EFCAB5: variants seen among roughly 807,000 people sequenced by gnomAD.
EFCAB5 encodes the protein EF-hand calcium binding domain 5.
A neutral mutation model predicts 167.9 loss-of-function variants in EFCAB5; 131 were observed. The observed-to-expected ratio is 0.78, with a 90% CI of 0.68 to 0.90. EFCAB5 has a LOEUF of 0.90. Ranked by LOEUF, EFCAB5 falls within the 40% of genes least tolerant of loss-of-function variation. The pLI, the probability that EFCAB5 is intolerant of heterozygous loss-of-function variation, is 0.00. For missense variants in EFCAB5, 1,663 were observed against 1,745.2 expected, an observed-to-expected ratio of 0.95 and a Z score of 0.84; for synonymous variants, 574 against 602.8, an observed-to-expected ratio of 0.95 and a Z score of 0.70.
intron 8 of EFCAB5, among the ~76,000 whole-genome samples, chr17:30,035,136 G>A (rs2069583026): frequency 6.6e-6 from 1 of 152,134 alleles, no homozygotes; most frequent in Admixed American, 6.5e-5. Flanking sequence ...ATGAAGTCAG[G>A]AATATATTTT....
chr17:30,056,106 T>C lies in EFCAB5; in HGVS notation c.2315T>C (p.Phe772Ser). The C allele has an allele frequency of 6.2e-7, 1 of 1,612,464 alleles. No homozygotes were observed. The highest frequency in any genetic ancestry group is 1.7e-5 in the Admixed American group (1 of 59,806). ...TCNWKMKYVT[F>S]EDEEQANLIY... Reference sequence around the variant, plus strand: ...AACTGGAAAATGAAGTATGTCACATTTGAAGATGAGGAACAGGCAAACTTA... The same window carrying C: ...AACTGGAAAATGAAGTATGTCACATCTGAAGATGAGGAACAGGCAAACTTA... Residue 772 changes from phenylalanine (F) to serine (S), a missense_variant, in exon 12 of 23, where the codon TTT becomes TCT. Physicochemically the swap from Phe to Ser is radical, Grantham distance 155 (BLOSUM62 -2). Transcript: ENST00000394835.
intron 1 of EFCAB5, among the ~76,000 whole-genome samples, chr17:29,934,414 G>A (rs1011880942): frequency 6.6e-6 from 1 of 152,084 alleles, no homozygotes; most frequent in African/African-American, 2.4e-5. Context: ...TATTGATAAA[G>A]GTCTAATTTG....
chr17:29,977,021 A>G (rs2068075789), intron 4 of EFCAB5, among the ~76,000 whole-genome samples: 1 of 152,160 alleles, frequency 6.6e-6, no homozygotes, highest in Non-Finnish European at 1.5e-5. Context: ...ATTAAAGTGG[A>G]CTTTAATTCT....
chr17:29,971,368 T>G (rs1463601560), intron 4 of EFCAB5, among the ~76,000 whole-genome samples: 1 of 152,188 alleles, frequency 6.6e-6, no homozygotes, highest in African/African-American at 2.4e-5. Flanking sequence ...ATTTTTATAC[T>G]AATATCCTAC....
chr17:30,048,985 G>C (rs574335008), intron 8 of EFCAB5, among the ~76,000 whole-genome samples: 1 of 152,072 alleles, frequency 6.6e-6, no homozygotes, highest in Non-Finnish European at 1.5e-5. Flanking sequence ...ACTTTTCACT[G>C]CATTCTCTTA....
intron 22 of EFCAB5, among the ~76,000 whole-genome samples, chr17:30,096,104 A>C (rs1001844952): frequency 2.6e-5 from 4 of 152,192 alleles, no homozygotes; most frequent in African/African-American, 7.2e-5. Flanking sequence ...CATACAATGC[A>C]CAAGAGAAGG....
chr17:29,943,892 G>A (rs1477182931), intron 3 of EFCAB5, among the ~76,000 whole-genome samples: 3 of 151,904 alleles, frequency 2.0e-5, no homozygotes, highest in South Asian at 2.1e-4. Flanking sequence ...GGAGAATTGC[G>A]TGAACAGGGA....
At chr17:29,988,075 T>C (rs977869396) in intron 4 of EFCAB5, among the ~76,000 whole-genome samples, 4 of 152,220 alleles carry the variant, frequency 2.6e-5, no homozygotes, top group Non-Finnish European at 5.9e-5. Context: ...TTCCAGGTAA[T>C]GCAAGTATCT....
chr17:30,096,769 TC>T (rs1397195138), intron 22 of EFCAB5, among the ~76,000 whole-genome samples: 1 of 142,566 alleles, frequency 7.0e-6, no homozygotes, highest in African/African-American at 2.6e-5. Context: ...AACCTCTGAC[TC>T]CCGGGTTCAA....
At chr17:29,970,194 C>G (rs2067919153) in intron 4 of EFCAB5, among the ~76,000 whole-genome samples, 1 of 152,124 alleles carries the variant, frequency 6.6e-6, no homozygotes, top group Non-Finnish European at 1.5e-5. Context: ...AGTAGTCTAT[C>G]TTTGCCCCAC....
At chr17:30,067,073 C>T (rs2070591158) in intron 14 of EFCAB5, among the ~76,000 whole-genome samples, 2 of 152,144 alleles carry the variant, frequency 1.3e-5, no homozygotes, top group African/African-American at 4.8e-5. Context: ...TGGCTTTCTA[C>T]CAAATATTTA....
intron 21 of EFCAB5, 129 bp downstream of exon 21, chr17:30,092,286 C>T (rs867952995): frequency 9.4e-6 from 9 of 954,998 alleles, no homozygotes; most frequent in African/African-American, 3.3e-5. Context: ...AACACGTTCA[C>T]GTAACCAGAC....
At chr17:29,973,858 A>G (rs1221541975) in intron 4 of EFCAB5, among the ~76,000 whole-genome samples, 1 of 151,550 alleles carries the variant, frequency 6.6e-6, no homozygotes, top group East Asian at 1.9e-4. Context: ...CCTACAGTTT[A>G]CATAAAAGCT....
intron 1 of EFCAB5, 134 bp downstream of exon 1, chr17:29,941,972 T>C: frequency 9.4e-7 from 1 of 1,062,164 alleles, no homozygotes; most frequent in Non-Finnish European, 1.4e-6. Context: ...TGCATCAGGT[T>C]TTGACAGAAA....
intron 22 of EFCAB5, among the ~76,000 whole-genome samples, chr17:30,099,576 T>C (rs930005288): frequency 6.6e-6 from 1 of 152,226 alleles, no homozygotes; most frequent in African/African-American, 2.4e-5. Context: ...ATATGCCTTT[T>C]TATGGGTCTG....
intron 22 of EFCAB5, among the ~76,000 whole-genome samples, chr17:30,106,496 A>T (rs545099567): frequency 1.3e-5 from 2 of 152,142 alleles, no homozygotes; most frequent in South Asian, 2.1e-4. Context: ...TCACTCTGCC[A>T]CCCAGGCTGG....
intron 19 of EFCAB5, 54 bp downstream of exon 19, chr17:30,087,220 T>C: frequency 6.9e-6 from 10 of 1,454,622 alleles, no homozygotes; most frequent in Non-Finnish European, 8.7e-6. Context: ...TCTGGTACAA[T>C]AGTAGACCTG....
At chr17:30,081,011 G>A in intron 17 of EFCAB5, 30 bp downstream of exon 17, 1 of 1,553,044 alleles carries the variant, frequency 6.4e-7, no homozygotes, top group Non-Finnish European at 8.8e-7. Flanking sequence ...AAGAGCGATG[G>A]TAGGATGGCC....
At chr17:30,018,112 CT>C (rs1048722200) in intron 7 of EFCAB5, among the ~76,000 whole-genome samples, 3 of 150,598 alleles carry the variant, frequency 2.0e-5, no homozygotes, top group East Asian at 3.9e-4. Context: ...AATTGGGTCA[CT>C]TTTTTTTTCA....
Sources: allele counts gnomAD v4.1 joint callset (sites outside exome capture counted in the v4.1 genomes callset), GRCh38; gene constraint gnomAD v4.1.1; transcripts MANE v1.5; gene names NCBI Gene and HGNC (gene_info 2026-07-23, HGNC 2026-07-21).